COMMD10: variants seen among roughly 807,000 people sequenced by gnomAD.
COMMD10 encodes COMM domain-containing protein 10.
Under a neutral mutation model 28.9 loss-of-function variants are expected in COMMD10, and 33 were observed. That is an observed-to-expected ratio of 1.14 (90% CI 0.87 to 1.53). The LOEUF (loss-of-function observed/expected upper bound fraction) is 1.53, where lower values mean the gene tolerates loss of function less well. COMMD10 is among the 40% of genes most tolerant of loss of function. COMMD10 has a pLI of 0.00. For synonymous variants in COMMD10, 110 were observed against 81.7 expected (o/e 1.35, Z -1.87); for missense variants, 310 against 233.4 (o/e 1.33, Z -2.14).
chr5:116,268,064 A>C lies in COMMD10; in HGVS notation c.511-23453A>C, dbSNP rs557665480. ...GCAAGGACTTCATGTCTAAAACACC[A>C]AAAGCAATGGTAACAAAAGCCAAAA... On this transcript the variant is annotated intron_variant, in intron 5 of 6. Coordinates refer to ENST00000274458, the MANE Select transcript of COMMD10 (RefSeq NM_016144.4). Among the ~76,000 whole-genome samples, 78 of 152,002 alleles carry C rather than the reference A, an allele frequency of 5.1e-4. 1 individual carries two copies. The East Asian group carries it at 0.014, about 27-fold the overall frequency.
intron 4 of COMMD10, among the ~76,000 whole-genome samples, chr5:116,114,128 C>G (rs1296461152): frequency 6.6e-6 from 1 of 152,062 alleles, no homozygotes; most frequent in East Asian, 1.9e-4. Flanking sequence ...ATGCTAGGGA[C>G]TGGAATGCTT....
At chr5:116,136,219 A>C (rs1001686631) in intron 5 of COMMD10, among the ~76,000 whole-genome samples, 1 of 151,952 alleles carries the variant, frequency 6.6e-6, no homozygotes, top group African/African-American at 2.4e-5. Context: ...TCCTTACTGG[A>C]AATTAGGAGG....
intron 4 of COMMD10, among the ~76,000 whole-genome samples, chr5:116,123,936 T>TTA (rs1554086949): frequency 6.6e-6 from 1 of 151,604 alleles, no homozygotes; most frequent in Non-Finnish European, 1.5e-5. Context: ...CATTTTTTTT[T>TTA]ATCTATTTGA....
At chr5:116,150,885 C>T (rs1752501741) in intron 5 of COMMD10, among the ~76,000 whole-genome samples, 1 of 150,478 alleles carries the variant, frequency 6.6e-6, no homozygotes, top group East Asian at 1.9e-4. Flanking sequence ...CCAGAACTTC[C>T]AACACTATGT....
At chr5:116,188,755 A>G (rs917647719) in intron 5 of COMMD10, among the ~76,000 whole-genome samples, 1 of 150,136 alleles carries the variant, frequency 6.7e-6, no homozygotes, top group African/African-American at 2.5e-5. Context: ...CAGCCTCCCA[A>G]GTAGCTGAGA....
At chr5:116,224,928 C>A (rs190980217) in intron 5 of COMMD10, among the ~76,000 whole-genome samples, 41 of 152,194 alleles carry the variant, frequency 2.7e-4, no homozygotes, top group Admixed American at 8.5e-4. Context: ...TTGTTTAAAT[C>A]TTTTCTTTTA....
chr5:116,171,621 A>G (rs147120167), intron 5 of COMMD10, among the ~76,000 whole-genome samples: 3,244 of 152,312 alleles, frequency 0.021, 117 homozygotes, highest in African/African-American at 0.072. Context: ...AATGTGGCAC[A>G]TATACACCAT....
intron 5 of COMMD10, among the ~76,000 whole-genome samples, chr5:116,270,318 T>G (rs1029208878): frequency 6.6e-6 from 1 of 151,894 alleles, no homozygotes; most frequent in Non-Finnish European, 1.5e-5. Context: ...TTTAACATTT[T>G]AAATATTTCA....
intron 5 of COMMD10, among the ~76,000 whole-genome samples, chr5:116,138,446 A>G (rs1227876209): frequency 6.6e-6 from 1 of 151,832 alleles, no homozygotes; most frequent in Admixed American, 6.6e-5. Context: ...AAATGTTGAT[A>G]ATTTTGACTG....
chr5:116,138,027 G>A (rs959375055), intron 5 of COMMD10, among the ~76,000 whole-genome samples: 3 of 151,836 alleles, frequency 2.0e-5, no homozygotes, highest in Admixed American at 6.6e-5. Context: ...CATTCACAGT[G>A]TTATTTGAAA....
intron 2 of COMMD10, among the ~76,000 whole-genome samples, chr5:116,090,445 C>A (rs566035331): frequency 6.6e-6 from 1 of 152,154 alleles, no homozygotes; most frequent in Non-Finnish European, 1.5e-5. Context: ...TAGAAATAAA[C>A]ATTTGTGGCC....
intron 5 of COMMD10, among the ~76,000 whole-genome samples, chr5:116,263,901 G>T (rs918676417): frequency 5.3e-5 from 8 of 151,758 alleles, no homozygotes; most frequent in Non-Finnish European, 1.0e-4. Flanking sequence ...AGGACCTCCT[G>T]AGGGCTGTGT....
intron 5 of COMMD10, among the ~76,000 whole-genome samples, chr5:116,201,859 TC>T (rs1748675381): frequency 6.6e-6 from 1 of 152,104 alleles, no homozygotes; most frequent in Admixed American, 6.6e-5. Context: ...ATATTTGGAC[TC>T]CCAATTAAAT....
intron 5 of COMMD10, among the ~76,000 whole-genome samples, chr5:116,243,872 T>C (rs937347426): frequency 1.3e-5 from 2 of 152,066 alleles, no homozygotes; most frequent in African/African-American, 4.8e-5. Context: ...GTTTCAGAAA[T>C]AACCTTAAAA....
intron 5 of COMMD10, among the ~76,000 whole-genome samples, chr5:116,146,175 C>T (rs1057032622): frequency 1.1e-4 from 17 of 151,824 alleles, no homozygotes; most frequent in African/African-American, 3.9e-4. Context: ...CTTTACCCTG[C>T]ATCACCTTGG....
At chr5:116,282,856 C>A (rs977175473) in intron 5 of COMMD10, among the ~76,000 whole-genome samples, 4 of 151,890 alleles carry the variant, frequency 2.6e-5, no homozygotes, top group Non-Finnish European at 4.4e-5. Context: ...TCCTGTGGTA[C>A]TAGGCGTTAG....
intron 5 of COMMD10, among the ~76,000 whole-genome samples, chr5:116,179,016 A>G (rs181222184): frequency 3.5e-4 from 53 of 152,206 alleles, no homozygotes; most frequent in African/African-American, 1.2e-3. Flanking sequence ...TTAAAATGTA[A>G]TACATCATGC....
At chr5:116,176,392 G>C (rs1753512866) in intron 5 of COMMD10, among the ~76,000 whole-genome samples, 2 of 152,180 alleles carry the variant, frequency 1.3e-5, no homozygotes, top group Non-Finnish European at 2.9e-5. Context: ...GGGATTACAG[G>C]TGTGAGCCAC....
chr5:116,167,369 T>C (rs1191371831), intron 5 of COMMD10, among the ~76,000 whole-genome samples: 4 of 152,120 alleles, frequency 2.6e-5, no homozygotes, highest in African/African-American at 9.7e-5. Flanking sequence ...CTGTGTTTGA[T>C]TGGTGTACCT....
Sources: allele counts gnomAD v4.1 joint callset (sites outside exome capture counted in the v4.1 genomes callset), GRCh38; gene constraint gnomAD v4.1.1; transcripts MANE v1.5; gene names NCBI Gene and HGNC (gene_info 2026-07-23, HGNC 2026-07-21).